The following BTBD9 variants were observed in gnomAD, a reference collection of about 807,000 sequenced individuals.
BTBD9 encodes BTB/POZ domain-containing protein 9.
BTBD9 carries 49 observed loss-of-function variants against 64.3 expected under a neutral mutation model. The ratio of observed to expected loss-of-function variants is 0.76; its 90% CI spans 0.61 to 0.97. The LOEUF (loss-of-function observed/expected upper bound fraction) is 0.97, where lower values mean the gene tolerates loss of function less well. Ranked by LOEUF, BTBD9 falls within the 50% of genes least tolerant of loss-of-function variation. The pLI is 0.00. For synonymous variants in BTBD9, 260 were observed against 274.7 expected, an observed-to-expected ratio of 0.95 and a Z score of 0.53; for missense variants, 598 against 762.1, an observed-to-expected ratio of 0.78 and a Z score of 2.53.
chr6:38,461,554 G>A (rs1296465586), intron 6 of BTBD9, among the ~76,000 whole-genome samples: 2 of 152,000 alleles, frequency 1.3e-5, no homozygotes, highest in African/African-American at 4.8e-5. Flanking sequence ...AACACAATTC[G>A]TTTTATCTGT....
chr6:38,502,647 C>T (rs372855802), intron 6 of BTBD9, among the ~76,000 whole-genome samples: 12 of 152,282 alleles, frequency 7.9e-5, no homozygotes, highest in East Asian at 5.8e-4. Context: ...TCATCTTCTG[C>T]GCAGGTCTTA....
intron 7 of BTBD9, among the ~76,000 whole-genome samples, chr6:38,300,939 G>A (rs991367711): frequency 6.6e-6 from 1 of 152,174 alleles, no homozygotes; most frequent in African/African-American, 2.4e-5. Flanking sequence ...TCTTGTGCCA[G>A]TTTTCAAAGG....
intron 6 of BTBD9, among the ~76,000 whole-genome samples, chr6:38,535,660 T>C (rs552672589): frequency 2.0e-5 from 3 of 151,924 alleles, no homozygotes; most frequent in Non-Finnish European, 4.4e-5. Context: ...AAAAAACAGA[T>C]ACATAGACCA....
At chr6:38,632,893 C>G (rs1374159504) in intron 1 of BTBD9, among the ~76,000 whole-genome samples, 7 of 152,092 alleles carry the variant, frequency 4.6e-5, no homozygotes. Flanking sequence ...GATCACACCA[C>G]TATACTCTAG....
At chr6:38,221,063 A>C (rs1763181375) in intron 9 of BTBD9, among the ~76,000 whole-genome samples, 1 of 152,220 alleles carries the variant, frequency 6.6e-6, no homozygotes, top group Non-Finnish European at 1.5e-5. Flanking sequence ...TTAGAACAGA[A>C]GGTTTGATTG....
chr6:38,255,924 TG>T (rs929248732), intron 9 of BTBD9, among the ~76,000 whole-genome samples: 4 of 151,490 alleles, frequency 2.6e-5, no homozygotes, highest in Non-Finnish European at 4.4e-5. Flanking sequence ...GTCGTGGGGT[TG>T]GGGGGGTAGG....
At chr6:38,623,740 A>G (rs1778076365) in intron 1 of BTBD9, among the ~76,000 whole-genome samples, 2 of 152,306 alleles carry the variant, frequency 1.3e-5, no homozygotes, top group South Asian at 4.1e-4. Context: ...TCATCTTGCT[A>G]TTACTTGCCT....
At chr6:38,523,272 T>C (rs1562294331) in intron 6 of BTBD9, among the ~76,000 whole-genome samples, 1 of 152,138 alleles carries the variant, frequency 6.6e-6, no homozygotes, top group African/African-American at 2.4e-5. Context: ...TTTACTGTAC[T>C]ACCCCAGTCT....
chr6:38,603,887 A>G (rs1245423362), intron 1 of BTBD9, among the ~76,000 whole-genome samples: 3 of 152,194 alleles, frequency 2.0e-5, no homozygotes, highest in Non-Finnish European at 4.4e-5. Flanking sequence ...GTGCTGTGTA[A>G]TTTGAAGTAG....
chr6:38,258,294 A>T (rs557496387), intron 8 of BTBD9, among the ~76,000 whole-genome samples: 140 of 152,244 alleles, frequency 9.2e-4, no homozygotes, highest in African/African-American at 3.3e-3. Flanking sequence ...CCTAAAAAAT[A>T]ATTTTAAAAA....
intron 6 of BTBD9, among the ~76,000 whole-genome samples, chr6:38,539,502 C>G (rs896880796): frequency 6.6e-6 from 1 of 152,144 alleles, no homozygotes; most frequent in Non-Finnish European, 1.5e-5. Flanking sequence ...CTGTTCTGCT[C>G]AAGAATTATA....
chr6:38,609,633 G>A lies in BTBD9; in HGVS notation c.-27-11512C>T, dbSNP rs114311818. Among the ~76,000 whole-genome samples the A allele has an allele frequency of 2.5e-3, 376 of 152,154 alleles. 2 individuals are homozygous for A. Among genetic ancestry groups the A allele is most frequent in the Non-Finnish European group, 3.5e-3 (239 of 67,994 alleles). ...ACAAAAACTCTAAAGGGTAGTGGAC[G>A]GTTCTTCTGTATTCTGTTCACTAAT... On this transcript the variant is annotated intron_variant, in intron 1 of 10. Coordinates refer to ENST00000481247, the MANE Select transcript of BTBD9 (RefSeq NM_001099272.2).
chr6:38,420,658 C>T (rs1188919641), intron 6 of BTBD9, among the ~76,000 whole-genome samples: 1 of 151,920 alleles, frequency 6.6e-6, no homozygotes, highest in Non-Finnish European at 1.5e-5. Flanking sequence ...GAAATAAAGA[C>T]CATCCTGGCC....
intron 9 of BTBD9, among the ~76,000 whole-genome samples, chr6:38,220,855 T>C (rs1238700976): frequency 1.3e-5 from 2 of 152,208 alleles, no homozygotes; most frequent in Admixed American, 6.5e-5. Flanking sequence ...TATTCTCCTT[T>C]CCAGCTCCCT....
At chr6:38,294,396 A>T (rs567541362) in intron 7 of BTBD9, among the ~76,000 whole-genome samples, 2 of 152,338 alleles carry the variant, frequency 1.3e-5, no homozygotes, top group South Asian at 4.1e-4. Context: ...AAGACTTGGA[A>T]CCAACCCAAA....
chr6:38,554,110 A>G (rs1774921626), intron 6 of BTBD9, among the ~76,000 whole-genome samples: 1 of 152,196 alleles, frequency 6.6e-6, no homozygotes, highest in Admixed American at 6.5e-5. Flanking sequence ...AAATCCTCAG[A>G]CAAACATAAA....
intron 9 of BTBD9, among the ~76,000 whole-genome samples, chr6:38,246,795 C>T (rs1214046682): frequency 6.6e-6 from 1 of 152,188 alleles, no homozygotes; most frequent in Non-Finnish European, 1.5e-5. Context: ...CTCCTCCAAC[C>T]TGGTAGGGCA....
At position 38,264,728 on chromosome 6, in the gene BTBD9, A is replaced by G. The variant is rs549598924; in HGVS notation, c.1455-8212T>C. On this transcript the variant is annotated intron_variant, in intron 8 of 10. Transcript: ENST00000481247. ...TGGGGAGCAAGGTCCAGCTGAGAAG[A>G]GCTGCTGGAGGACGCTGAGTCCAAA... Among the ~76,000 whole-genome samples, 4 of 152,310 alleles carry G rather than the reference A, an allele frequency of 2.6e-5. No individual in the cohort carries two copies. In the South Asian group the frequency reaches 8.3e-4, roughly 32 times the overall value.
rs1239430635 is a variant in BTBD9 at position 38,169,381 on chromosome 6, AG to A, written c.*5603del. ...GGAGGCAAAGGCCCTGAGGGAGATG[AG>A]CTGGTGCCGTCCCCTCCCAATTCCG... On this transcript the variant is annotated 3_prime_UTR_variant, in exon 11 of 11. Coordinates refer to ENST00000481247, the MANE Select transcript of BTBD9 (RefSeq NM_001099272.2). The A allele has an allele frequency of 6.6e-6, 1 of 152,364 alleles. No homozygotes were observed. The highest frequency in any genetic ancestry group is 1.5e-5 in the Non-Finnish European group (1 of 68,140). 9.4% of individuals were successfully genotyped at this position (152,364 alleles called of 1,614,324 possible).
Sources: allele counts gnomAD v4.1 joint callset (sites outside exome capture counted in the v4.1 genomes callset), GRCh38; gene constraint gnomAD v4.1.1; transcripts MANE v1.5; gene names NCBI Gene and HGNC (gene_info 2026-07-23, HGNC 2026-07-21).